LARGE1: variants seen among roughly 807,000 people sequenced by gnomAD.
LARGE1 encodes the protein xylosyl- and glucuronyltransferase LARGE1.
Under a neutral mutation model 87.6 loss-of-function variants are expected in LARGE1, and 43 were observed. That is an observed-to-expected ratio of 0.49 (90% CI 0.38 to 0.63). The LOEUF (loss-of-function observed/expected upper bound fraction) is 0.63. Ranked by LOEUF, LARGE1 falls within the 30% of genes least tolerant of loss-of-function variation. LARGE1 has a pLI of 0.00. For missense variants in LARGE1, 802 were observed against 1,000.2 expected (o/e 0.80, Z 2.67); for synonymous variants, 434 against 394.6 (o/e 1.10, Z -1.18).
chr22:33,852,897 A>AAAAG, intron 1 of LARGE1, among the ~76,000 whole-genome samples: 1 of 147,026 alleles, frequency 6.8e-6, no homozygotes. Flanking sequence ...AGAAAGAAAG[A>AAAAG]AAAGTGATAA....
intron 6 of LARGE1, among the ~76,000 whole-genome samples, chr22:33,557,224 C>T (rs2077716908): frequency 6.6e-6 from 1 of 152,118 alleles, no homozygotes. Context: ...AGATTTGCTT[C>T]AAAGTTAATC....
At chr22:33,673,219 G>T (rs542131328) in intron 2 of LARGE1, among the ~76,000 whole-genome samples, 1 of 152,192 alleles carries the variant, frequency 6.6e-6, no homozygotes, top group African/African-American at 2.4e-5. Flanking sequence ...AGGTTGCAGG[G>T]AGCAGAGATC....
intron 1 of LARGE1, among the ~76,000 whole-genome samples, chr22:33,789,571 G>T (rs2085758279): frequency 6.6e-6 from 1 of 152,202 alleles, no homozygotes; most frequent in African/African-American, 2.4e-5. Context: ...ACACCAGCCT[G>T]TGAAAGCAGC....
intron 11 of LARGE1, among the ~76,000 whole-genome samples, chr22:33,235,386 C>T (rs1001253441): frequency 2.6e-5 from 4 of 152,186 alleles, no homozygotes; most frequent in Non-Finnish European, 4.4e-5. Flanking sequence ...TGTTAAGGAG[C>T]TGTCCATGTG....
At chr22:33,802,177 AC>A (rs2086182654) in intron 1 of LARGE1, among the ~76,000 whole-genome samples, 1 of 152,116 alleles carries the variant, frequency 6.6e-6, no homozygotes, top group African/African-American at 2.4e-5. Context: ...AGAAATTCTG[AC>A]CCCAGGCAGA....
At chr22:33,873,403 A>C (rs1431532086) in intron 1 of LARGE1, 1 of 152,214 alleles carries the variant, frequency 6.6e-6, no homozygotes, top group Admixed American at 6.5e-5. Context: ...GTCTGTTCTG[A>C]ATGGTGTCAG....
intron 9 of LARGE1, among the ~76,000 whole-genome samples, chr22:33,346,124 T>C (rs546040899): frequency 6.6e-6 from 1 of 152,246 alleles, no homozygotes; most frequent in South Asian, 2.1e-4. Flanking sequence ...AATCCTAGTA[T>C]TTCTTAAACC....
chr22:33,857,307 C>A (rs970013907), intron 1 of LARGE1, among the ~76,000 whole-genome samples: 1 of 152,204 alleles, frequency 6.6e-6, no homozygotes, highest in Admixed American at 6.5e-5. Flanking sequence ...ACAGACTCCC[C>A]TCAAGGGCAG....
chr22:33,675,163 G>A (rs568905261), intron 2 of LARGE1, among the ~76,000 whole-genome samples: 17 of 151,358 alleles, frequency 1.1e-4, no homozygotes, highest in Non-Finnish European at 2.4e-4. Flanking sequence ...GCATGGTGGC[G>A]CATGCCTGTA....
intron 2 of LARGE1, among the ~76,000 whole-genome samples, chr22:33,656,065 G>A (rs1244129387): frequency 1.3e-5 from 2 of 151,232 alleles, no homozygotes; most frequent in Non-Finnish European, 3.0e-5. Flanking sequence ...ATGAGTGTGT[G>A]TGTGTGTGTG....
chr22:33,246,206 C>T (rs1926750185), intron 11 of LARGE1, among the ~76,000 whole-genome samples: 1 of 152,104 alleles, frequency 6.6e-6, no homozygotes, highest in South Asian at 2.1e-4. Context: ...GTAGAAGAGT[C>T]CAACACTGCA....
intron 6 of LARGE1, among the ~76,000 whole-genome samples, chr22:33,478,975 G>C (rs75538026): frequency 6.6e-6 from 1 of 152,098 alleles, no homozygotes; most frequent in East Asian, 1.9e-4. Flanking sequence ...TTGACACCAA[G>C]GATTTTTACT....
the LARGE1 span, among the ~76,000 whole-genome samples, chr22:33,089,263 CTCTTCTTCTTCTTCTTGT>C: frequency 2.0e-5 from 3 of 150,806 alleles, no homozygotes; most frequent in South Asian, 6.3e-4. Flanking sequence ...TGTCTTCTTC[CTCTTCTTCTTCTTCTTGT>C]TCTTCTTCTT....
At chr22:33,765,909 A>G (rs1402497730) in intron 1 of LARGE1, among the ~76,000 whole-genome samples, 1 of 152,154 alleles carries the variant, frequency 6.6e-6, no homozygotes, top group Non-Finnish European at 1.5e-5. Flanking sequence ...AGAAAGTTTT[A>G]AAACAGAATC....
intron 6 of LARGE1, among the ~76,000 whole-genome samples, chr22:33,541,052 T>G (rs58872922): frequency 0.64 from 14,718 of 23,032 alleles, 3,726 homozygotes; most frequent in Middle Eastern, 0.72. Context: ...GGTGGTGGGT[T>G]GCGGGGGGGG....
At chr22:33,106,712 T>G in the LARGE1 span, among the ~76,000 whole-genome samples, 1 of 152,280 alleles carries the variant, frequency 6.6e-6, no homozygotes, top group South Asian at 2.1e-4. Flanking sequence ...CCCAGGCTGG[T>G]CTTGAACTCC....
In LARGE1 at chr22:33,412,516, T is replaced by C. The variant is rs533322422; in HGVS notation, c.892+19645A>G. Among the ~76,000 whole-genome samples the C allele has an allele frequency of 2.8e-4, 42 of 152,246 alleles. No individual in the cohort carries two copies. In the South Asian group the frequency reaches 6.4e-3, roughly 23 times the overall value. On this transcript the variant is annotated intron_variant, in intron 7 of 14. Transcript: ENST00000397394. ...GCATGGCATTCCCGCCATACAGACA[T>C]GGCAGACGCAAACAACCTTAGAAGC...
In LARGE1 at chr22:33,904,301, G is replaced by A. The variant is rs557425375; in HGVS notation, c.-83+15694C>T. Reference sequence around the variant, plus strand: ...CTCCTGAGTAGCTGGGATTACAGGCGTGTGCCACCACGCTTGGCTAATTTT... The same window carrying A: ...CTCCTGAGTAGCTGGGATTACAGGCATGTGCCACCACGCTTGGCTAATTTT... On this transcript the variant is annotated intron_variant, in intron 1 of 14. Coordinates refer to ENST00000397394, the MANE Select transcript of LARGE1 (RefSeq NM_133642.5). Among the ~76,000 whole-genome samples, 25 of 152,212 alleles carry A rather than the reference G, an allele frequency of 1.6e-4. 1 individual carries two copies. The East Asian group carries it at 1.7e-3, about 11-fold the overall frequency.
intron 9 of LARGE1, among the ~76,000 whole-genome samples, chr22:33,380,115 A>T (rs1343887951): frequency 6.6e-6 from 1 of 152,142 alleles, no homozygotes; most frequent in East Asian, 1.9e-4. Flanking sequence ...TTATGAACCG[A>T]TCAATTATGC....
Sources: allele counts gnomAD v4.1 joint callset (sites outside exome capture counted in the v4.1 genomes callset), GRCh38; gene constraint gnomAD v4.1.1; transcripts MANE v1.5; gene names NCBI Gene and HGNC (gene_info 2026-07-23, HGNC 2026-07-21).